The following BNC2 variants were observed in gnomAD, a reference collection of about 807,000 sequenced individuals.
The protein encoded by BNC2 is zinc finger protein basonuclin-2.
A neutral mutation model predicts 76.3 loss-of-function variants in BNC2; 20 were observed. That is an observed-to-expected ratio of 0.26 (90% CI 0.18 to 0.38). The LOEUF (loss-of-function observed/expected upper bound fraction) is 0.38. Among genes scored for constraint, BNC2 ranks in the 10% least tolerant of loss-of-function variants. The pLI is 1.00. For missense variants in BNC2, 1,382 were observed against 1,399.8 expected, an observed-to-expected ratio of 0.99 and a Z score of 0.20; for synonymous variants, 582 against 514.8, an observed-to-expected ratio of 1.13 and a Z score of -1.77.
At chr9:16,802,341 A>T (rs1817805981) in intron 1 of BNC2, among the ~76,000 whole-genome samples, 1 of 152,234 alleles carries the variant, frequency 6.6e-6, no homozygotes, top group Admixed American at 6.5e-5. Flanking sequence ...TATTCCATTT[A>T]GCTGCATGTC....
chr9:16,588,131 G>C (rs1283327351), intron 3 of BNC2, among the ~76,000 whole-genome samples: 1 of 152,104 alleles, frequency 6.6e-6, no homozygotes, highest in Non-Finnish European at 1.5e-5. Context: ...TAGTAACAAT[G>C]ACATTGCAAC....
At chr9:16,670,884 G>A (rs893116317) in intron 3 of BNC2, among the ~76,000 whole-genome samples, 6 of 152,070 alleles carry the variant, frequency 3.9e-5, no homozygotes, top group Non-Finnish European at 7.3e-5. Flanking sequence ...TCTCTGTCAC[G>A]TCTCTTATTC....
chr9:16,735,074 G>C (rs940122559), intron 2 of BNC2, among the ~76,000 whole-genome samples: 3 of 152,156 alleles, frequency 2.0e-5, no homozygotes, highest in Non-Finnish European at 1.5e-5. Flanking sequence ...ATCCCTTGAT[G>C]CACTACAAAA....
At chr9:16,771,826 T>C (rs551205045) in intron 1 of BNC2, among the ~76,000 whole-genome samples, 15 of 152,358 alleles carry the variant, frequency 9.8e-5, no homozygotes, top group African/African-American at 3.6e-4. Flanking sequence ...ACTGATTTTA[T>C]TACCCTCACA....
intron 6 of BNC2, among the ~76,000 whole-genome samples, chr9:16,428,399 C>T (rs767109097): frequency 6.6e-6 from 1 of 152,164 alleles, no homozygotes; most frequent in Non-Finnish European, 1.5e-5. Flanking sequence ...GTTTTACTTA[C>T]GAAATCTTAT....
At chr9:16,454,808 A>G (rs1465880671) in intron 5 of BNC2, among the ~76,000 whole-genome samples, 3 of 152,258 alleles carry the variant, frequency 2.0e-5, no homozygotes, top group Non-Finnish European at 2.9e-5. Context: ...GAAGTTTTAC[A>G]TAATATACTC....
intron 1 of BNC2, among the ~76,000 whole-genome samples, chr9:16,756,364 G>C (rs1825384374): frequency 6.6e-6 from 1 of 152,062 alleles, no homozygotes; most frequent in African/African-American, 2.4e-5. Context: ...AATCTTTCTA[G>C]TTTATCTCCT....
chr9:16,657,033 G>C (rs1014077722), intron 3 of BNC2, among the ~76,000 whole-genome samples: 1 of 152,132 alleles, frequency 6.6e-6, no homozygotes, highest in African/African-American at 2.4e-5. Flanking sequence ...GGCAAGGGTA[G>C]ACACTAAAAA....
intron 3 of BNC2, among the ~76,000 whole-genome samples, chr9:16,667,036 G>C (rs1461933887): frequency 6.6e-6 from 1 of 151,268 alleles, no homozygotes; most frequent in Middle Eastern, 3.2e-3. Context: ...CCACTAAAAA[G>C]CTAAATACTA....
At chr9:16,532,101 T>C (rs1257309699) in intron 5 of BNC2, among the ~76,000 whole-genome samples, 4 of 151,958 alleles carry the variant, frequency 2.6e-5, no homozygotes, top group Non-Finnish European at 4.4e-5. Flanking sequence ...TATCAATATA[T>C]CCTGTTGAGT....
intron 3 of BNC2, among the ~76,000 whole-genome samples, chr9:16,608,304 G>A (rs76073637): frequency 0.01 from 1,576 of 152,190 alleles, 22 homozygotes; most frequent in African/African-American, 0.035. Flanking sequence ...AAAAAGCTAA[G>A]CACAGTGATA....
Position 16,411,346 on chromosome 9 carries a change from C to T in BNC2, c.*7643G>A, listed in dbSNP as rs1310538237. On this transcript the variant is annotated 3_prime_UTR_variant, in exon 7 of 7. Coordinates refer to ENST00000380672, the MANE Select transcript of BNC2 (RefSeq NM_017637.6). ...AGAAATATACTTTCAATACTATCTA[C>T]TTCTCTCCATTTTTCTTAAAATACT... The T allele has an allele frequency of 6.6e-6, 1 of 152,608 alleles. No individual in the cohort carries two copies. The highest frequency in any genetic ancestry group is 1.5e-5 in the Non-Finnish European group (1 of 68,020). The allele number at this position is 152,608 out of a possible 1,614,324, so 9.5% of individuals were successfully genotyped here.
chr9:16,510,737 G>T (rs1405785990), intron 5 of BNC2, among the ~76,000 whole-genome samples: 1 of 152,140 alleles, frequency 6.6e-6, no homozygotes, highest in Admixed American at 6.5e-5. Context: ...ACCTACAAAT[G>T]TTATCAAATT....
At chr9:16,487,000 T>C (rs1273667323) in intron 5 of BNC2, among the ~76,000 whole-genome samples, 1 of 152,246 alleles carries the variant, frequency 6.6e-6, no homozygotes, top group African/African-American at 2.4e-5. Context: ...TGAGCCACCA[T>C]GCTTGGCCAT....
At chr9:16,731,912 A>G (rs1382200648) in intron 2 of BNC2, among the ~76,000 whole-genome samples, 1 of 152,114 alleles carries the variant, frequency 6.6e-6, no homozygotes, top group East Asian at 1.9e-4. Flanking sequence ...ACCTTTTTGC[A>G]TATAACTACA....
Position 16,767,600 on chromosome 9 carries a change from G to T in BNC2, c.4-29115C>A, listed in dbSNP as rs190070775. On this transcript the variant is annotated intron_variant, in intron 1 of 6. Transcript: ENST00000380672. ...AAATGAGGCACTGGGGAAAAAGTAT[G>T]AGAGGGTTGTATGCTCTGCCAAGAG... Among the ~76,000 whole-genome samples, 83 of 152,274 alleles carry T rather than the reference G, an allele frequency of 5.5e-4. 3 individuals are homozygous for T. In the East Asian group the frequency reaches 0.014, roughly 26 times the overall value.
intron 1 of BNC2, among the ~76,000 whole-genome samples, chr9:16,797,460 T>C (rs1252701390): frequency 1.3e-5 from 2 of 152,170 alleles, no homozygotes; most frequent in African/African-American, 4.8e-5. Context: ...GTGAATCTCA[T>C]TATGACTTCA....
intron 1 of BNC2, among the ~76,000 whole-genome samples, chr9:16,845,762 C>T (rs1037352746): frequency 1.3e-5 from 2 of 152,036 alleles, no homozygotes; most frequent in Non-Finnish European, 2.9e-5. Context: ...TACCAAGAAT[C>T]CAAACCCCAC....
At chr9:16,523,479 A>C (rs1007863543) in intron 5 of BNC2, among the ~76,000 whole-genome samples, 2 of 131,340 alleles carry the variant, frequency 1.5e-5, no homozygotes, top group East Asian at 2.1e-4. Context: ...TCAAAACAAA[A>C]AAAAAAAACA....
Sources: gnomAD v4.1 joint callset for allele counts (sites outside exome capture counted in the v4.1 genomes callset) on GRCh38, gnomAD v4.1.1 for gene constraint, MANE v1.5 for transcripts, NCBI Gene and HGNC (gene_info 2026-07-23, HGNC 2026-07-21) for gene names.